THTPA: variants seen among roughly 807,000 people sequenced by gnomAD.
The protein encoded by THTPA is thiamine-triphosphatase.
In THTPA, 16 loss-of-function variants were observed where a neutral mutation model predicts 16.5. The ratio of observed to expected loss-of-function variants is 0.97; its 90% confidence interval spans 0.66 to 1.47. The LOEUF (loss-of-function observed/expected upper bound fraction) is 1.47. Among genes scored for constraint, THTPA ranks in the 40% most tolerant of loss-of-function variants. The pLI is 0.00. For missense variants in THTPA, 281 were observed against 280.9 expected (o/e 1.00, Z 0.00); for synonymous variants, 110 against 115.5 (o/e 0.95, Z 0.30).
the THTPA span, among the ~76,000 whole-genome samples, chr14:23,520,401 G>GC: frequency 6.6e-6 from 1 of 151,166 alleles, no homozygotes. This position sits in a 1 kb window ranked among gnomAD's most constrained non-coding sequence, Gnocchi z 8.7. Context: ...CTCCAGGGGG[G>GC]CAGCAGGGTT....
chr14:23,532,768 G>A, the THTPA span: 8 of 1,536,280 alleles, frequency 5.2e-6, no homozygotes, highest in Non-Finnish European at 7.0e-6. Flanking sequence ...CTGCCAGCTG[G>A]TACTTCTGAG....
rs1268418939 is a variant in THTPA at position 23,559,734 on chromosome 14, T to G, written c.*894T>G. On this transcript the variant is annotated 3_prime_UTR_variant, in exon 2 of 2. Coordinates refer to ENST00000288014, the MANE Select transcript of THTPA (RefSeq NM_024328.6). ...TTTGGGACACAGGAGAATTTCAGGC[T>G]GTGAGTGGAGACAGTTACTGCCACG... 1 of 1,613,290 alleles carries G rather than the reference T, an allele frequency of 6.2e-7. No homozygotes were observed. The highest frequency in any genetic ancestry group is 1.1e-5 in the South Asian group (1 of 90,924).
the THTPA span, among the ~76,000 whole-genome samples, chr14:23,547,337 C>T: frequency 6.6e-6 from 1 of 152,214 alleles, no homozygotes; most frequent in South Asian, 2.1e-4. Context: ...TTATGAACTC[C>T]TTATTTGCGG....
At chr14:23,558,649 CT>C (rs1882866012) in intron 1 of THTPA, 45 bp from the exon 2 acceptor site, 1 of 1,611,796 alleles carries the variant, frequency 6.2e-7, no homozygotes, top group Admixed American at 1.7e-5. Context: ...AGTCCAAGTG[CT>C]TGTGGCTCTG....
At chr14:23,524,873 T>C in the THTPA span, 4 of 1,536,534 alleles carry the variant, frequency 2.6e-6, no homozygotes, top group Non-Finnish European at 3.5e-6. This position sits in a 1 kb window ranked among gnomAD's most constrained non-coding sequence, Gnocchi z 5.6. Flanking sequence ...ATAGCACTTC[T>C]TGAGGTGGCG....
chr14:23,548,131 T>C, the THTPA span, among the ~76,000 whole-genome samples: 2 of 152,070 alleles, frequency 1.3e-5, no homozygotes, highest in Admixed American at 1.3e-4. Flanking sequence ...TCAACAACTC[T>C]CCTCCCCACT....
the THTPA span, chr14:23,531,533 G>A: frequency 7.3e-6 from 11 of 1,510,334 alleles, no homozygotes; most frequent in African/African-American, 1.4e-5. Flanking sequence ...GAAGAGCTGC[G>A]AGTCCTTCCT....
the THTPA span, chr14:23,529,812 C>T: frequency 6.6e-7 from 1 of 1,522,872 alleles, no homozygotes; most frequent in Non-Finnish European, 8.8e-7. Context: ...TGACAGCCCT[C>T]AAGATGATTT....
upstream of THTPA, among the ~76,000 whole-genome samples, chr14:23,553,825 C>T (rs1171253877): frequency 3.3e-5 from 5 of 152,034 alleles, no homozygotes; most frequent in East Asian, 3.9e-4. Context: ...ACCCTGGAGG[C>T]GGAGCTTGCA....
chr14:23,515,381 C>G, the THTPA span, among the ~76,000 whole-genome samples: 6 of 152,280 alleles, frequency 3.9e-5, no homozygotes, highest in African/African-American at 1.4e-4. Context: ...GAGAGGTAGA[C>G]AGGTGTTAGG....
the THTPA span, among the ~76,000 whole-genome samples, chr14:23,539,659 C>T: frequency 2.6e-5 from 4 of 152,256 alleles, no homozygotes; most frequent in East Asian, 1.9e-4. Context: ...TCAGGCTGGC[C>T]GGCAGAACTG....
the THTPA span, chr14:23,524,581 G>C: frequency 6.5e-7 from 1 of 1,535,574 alleles, no homozygotes; most frequent in Non-Finnish European, 8.7e-7. The surrounding 1 kb of genome is among the most constrained non-coding windows in gnomAD (Gnocchi z 5.6). Flanking sequence ...GTAGTCGGCG[G>C]TGACTGGTCA....
upstream of THTPA, among the ~76,000 whole-genome samples, chr14:23,554,175 A>AGCT (rs1882175680): frequency 6.6e-6 from 1 of 152,142 alleles, no homozygotes; most frequent in Non-Finnish European, 1.5e-5. Flanking sequence ...TGTTCAAATA[A>AGCT]GCTGCTGCTT....
At position 23,559,573 on chromosome 14, in the gene THTPA, T is replaced by C; in HGVS notation, c.*733T>C. The C allele has an allele frequency of 1.6e-6, 1 of 613,656 alleles. No homozygotes were observed. The highest frequency in any genetic ancestry group is 2.9e-6 in the Non-Finnish European group (1 of 341,926). 38.0% of individuals were successfully genotyped at this position (613,656 alleles called of 1,614,324 possible). A position where few individuals can be genotyped will look rare whatever the true frequency, so the allele number is the denominator to read the frequency against. ...CTTCAAATATACCCAAATATGGCTT[T>C]CCTCACTTCTCAGGCTTTATTGGGC... is the stretch of plus-strand genomic sequence containing the variant. On this transcript the variant is annotated 3_prime_UTR_variant, in exon 2 of 2. Transcript: ENST00000288014.
chr14:23,527,040 A>C, the THTPA span: 1 of 1,442,844 alleles, frequency 6.9e-7, no homozygotes, highest in South Asian at 1.5e-5. Context: ...CTCCTGACCC[A>C]TCTGCCCTAC....
the THTPA span, chr14:23,521,887 G>A: frequency 2.0e-6 from 3 of 1,516,436 alleles, no homozygotes; most frequent in Non-Finnish European, 2.6e-6. Context: ...AGGGATTTGA[G>A]CTCCCACCGA....
chr14:23,522,959 A>G, the THTPA span: 1 of 1,436,152 alleles, frequency 7.0e-7, no homozygotes, highest in Non-Finnish European at 9.1e-7. Flanking sequence ...GGTGAAAGGA[A>G]GGATGAAGGA....
Position 23,556,853 on chromosome 14 carries a change from G to A in THTPA, c.96G>A (p.Arg32=), listed in dbSNP as rs375427169. 1.2e-6 allele frequency: 2 copies of A among 1,613,032 alleles called. No homozygotes were observed. Among genetic ancestry groups the A allele is most frequent in the Non-Finnish European group, 1.7e-6 (2 of 1,179,580 alleles). ...AGTTGGGGGGCACCCTGGAGTACCG[G>A]GTCACCTTCCGAGACACCTACTATG... ...LQELGGTLEY[R]VTFRDTYYDT... is the part of the protein sequence containing the mutation. The change falls in exon 1 of 2, where the codon CGG becomes CGA. Residue 32 remains arginine (R), a synonymous_variant. Coordinates refer to ENST00000288014, the MANE Select transcript of THTPA (RefSeq NM_024328.6).
the THTPA span, chr14:23,525,902 G>A: frequency 1.4e-6 from 2 of 1,461,672 alleles, no homozygotes; most frequent in Non-Finnish European, 9.0e-7. This position sits in a 1 kb window ranked among gnomAD's most constrained non-coding sequence, Gnocchi z 5.9. Context: ...CAGAGGGAAG[G>A]GGGGCAGGAC....
Sources: gnomAD v4.1 joint callset for allele counts (sites outside exome capture counted in the v4.1 genomes callset) on GRCh38, gnomAD v4.1.1 for gene constraint, Gnocchi (gnomAD v3.1) non-coding constraint, MANE v1.5 for transcripts, NCBI Gene and HGNC (gene_info 2026-07-23, HGNC 2026-07-21) for gene names.